The following TENM4 variants were observed in gnomAD, a reference collection of about 807,000 sequenced individuals.
The protein encoded by TENM4 is teneurin-4.
A neutral mutation model predicts 243.3 loss-of-function variants in TENM4; 82 were observed. That is an observed-to-expected ratio of 0.34 (90% CI 0.28 to 0.40). TENM4 has a LOEUF of 0.40. Among genes scored for constraint, TENM4 ranks in the 10% least tolerant of loss-of-function variants. TENM4 has a pLI of 1.00. For missense variants in TENM4, 3,138 were observed against 3,673.3 expected, an observed-to-expected ratio of 0.85 and a Z score of 3.77; for synonymous variants, 1,412 against 1,456.3, an observed-to-expected ratio of 0.97 and a Z score of 0.69.
chr11:79,188,061 A>G lies in TENM4; in HGVS notation c.-163+27747T>C, dbSNP rs190503778. Among the ~76,000 whole-genome samples the G allele has an allele frequency of 2.7e-3, 404 of 152,322 alleles. 3 individuals are homozygous for G. Among genetic ancestry groups the G allele is most frequent in the African/African-American group, 9.6e-3 (398 of 41,572 alleles). On this transcript the variant is annotated intron_variant, in intron 3 of 33. Transcript: ENST00000278550. ...TTGTTTAGCTTTGCCTGCATGCCAAACACTCACTCATGAGACCTCATTTAA... is the reference window on the plus strand; with the variant it reads ...TTGTTTAGCTTTGCCTGCATGCCAAGCACTCACTCATGAGACCTCATTTAA...
chr11:79,151,838 C>T (rs1022292288), intron 3 of TENM4, among the ~76,000 whole-genome samples: 1 of 152,096 alleles, frequency 6.6e-6, no homozygotes, highest in Admixed American at 6.6e-5. Context: ...TCAAAAAGCA[C>T]TTCAACATTT....
intron 1 of TENM4, among the ~76,000 whole-genome samples, chr11:79,352,290 C>T (rs1249943747): frequency 6.6e-6 from 1 of 152,184 alleles, no homozygotes; most frequent in African/African-American, 2.4e-5. Context: ...GACTGCCAGC[C>T]AGCTCTTGGT....
chr11:79,275,473 C>G (rs1856039751), intron 2 of TENM4, among the ~76,000 whole-genome samples: 1 of 152,232 alleles, frequency 6.6e-6, no homozygotes, highest in African/African-American at 2.4e-5. Flanking sequence ...GAAGACACTG[C>G]TGCCCTGCGG....
intron 3 of TENM4, among the ~76,000 whole-genome samples, chr11:79,207,134 G>A (rs1158353517): frequency 6.6e-6 from 1 of 152,102 alleles, no homozygotes; most frequent in African/African-American, 2.4e-5. Context: ...GTGGGGTCGG[G>A]GCAGGCTGCC....
chr11:79,013,262 G>A (rs763736522), intron 6 of TENM4, among the ~76,000 whole-genome samples: 25 of 152,024 alleles, frequency 1.6e-4, no homozygotes, highest in Admixed American at 1.3e-4. Context: ...TCCACCTCCC[G>A]CATTCCTTGC....
chr11:79,295,896 A>AACAC (rs199711050), intron 2 of TENM4, among the ~76,000 whole-genome samples: 6,499 of 130,748 alleles, frequency 0.05, 229 homozygotes, highest in East Asian at 0.15. Context: ...CCAGGGATTA[A>AACAC]ACACACACAC....
At chr11:79,246,453 G>T (rs1210419142) in intron 2 of TENM4, among the ~76,000 whole-genome samples, 1 of 152,100 alleles carries the variant, frequency 6.6e-6, no homozygotes, top group African/African-American at 2.4e-5. Flanking sequence ...CAACACATCA[G>T]CATTCTCAAA....
intron 3 of TENM4, among the ~76,000 whole-genome samples, chr11:79,175,819 T>C (rs1013564794): frequency 2.0e-5 from 3 of 152,190 alleles, no homozygotes; most frequent in Admixed American, 1.3e-4. Flanking sequence ...AGGCTGGGTG[T>C]GGTGGCTGCA....
intron 1 of TENM4, among the ~76,000 whole-genome samples, chr11:79,418,865 A>T (rs1002908312): frequency 6.6e-6 from 1 of 152,170 alleles, no homozygotes; most frequent in South Asian, 2.1e-4. Flanking sequence ...CAGCACTTTT[A>T]CAGTGCCTGG....
chr11:79,414,920 G>A (rs973484853), intron 1 of TENM4, among the ~76,000 whole-genome samples: 1 of 152,066 alleles, frequency 6.6e-6, no homozygotes, highest in Admixed American at 6.6e-5. Context: ...ATTTAGACAC[G>A]GCCTCAGCTG....
At chr11:79,288,455 A>C (rs502316) in intron 2 of TENM4, among the ~76,000 whole-genome samples, 89,235 of 152,148 alleles carry the variant, frequency 0.59, 28,199 homozygotes, top group African/African-American at 0.82. Context: ...GTGGGATTGA[A>C]AATCAAACTA....
intron 2 of TENM4, among the ~76,000 whole-genome samples, chr11:79,266,294 C>G (rs1039236816): frequency 5.9e-5 from 9 of 152,152 alleles, no homozygotes; most frequent in Admixed American, 1.3e-4. Flanking sequence ...TACTGCATAC[C>G]TACTAAGTGT....
At chr11:78,946,820 C>A (rs1054677609) in intron 6 of TENM4, among the ~76,000 whole-genome samples, 1 of 152,104 alleles carries the variant, frequency 6.6e-6, no homozygotes, top group Non-Finnish European at 1.5e-5. Context: ...TTGGTAGTAG[C>A]AAGAAAAATA....
chr11:79,147,924 T>C (rs1232103640), intron 4 of TENM4, among the ~76,000 whole-genome samples: 1 of 152,090 alleles, frequency 6.6e-6, no homozygotes, highest in Non-Finnish European at 1.5e-5. Flanking sequence ...GCAACTTCTT[T>C]ACTCTGAGTC....
In TENM4 at chr11:78,669,452, C is replaced by T. The variant is rs369423440; in HGVS notation, c.6893G>A (p.Arg2298Gln). The T allele has an allele frequency of 1.9e-6, 3 of 1,612,762 alleles. No homozygotes were observed. The highest frequency in any genetic ancestry group is 2.5e-6 in the Non-Finnish European group (3 of 1,179,286). ...SVRYRYDGLG[R>Q]RVSSKSSHSH... Reference sequence around the variant, plus strand: ...GTGGCTGCTCTTGCTGGACACGCGCCGCCCCAGGCCATCGTAGCGGTACCT... The same window carrying T: ...GTGGCTGCTCTTGCTGGACACGCGCTGCCCCAGGCCATCGTAGCGGTACCT... Residue 2298 changes from arginine (R) to glutamine (Q), a missense_variant, in exon 32 of 34, where the codon CGG (arginine) becomes CAG (glutamine). Arg to Gln is a conservative substitution (Grantham distance 43). Transcript: ENST00000278550. The surrounding 1 kb of genome is among the most constrained non-coding windows in gnomAD (Gnocchi z 6.4).
intron 3 of TENM4, among the ~76,000 whole-genome samples, chr11:79,208,921 G>T (rs1247039762): frequency 2.6e-5 from 4 of 152,168 alleles, no homozygotes; most frequent in African/African-American, 9.6e-5. Flanking sequence ...TTCTCAGCGG[G>T]TAAGTCAAGG....
chr11:78,805,283 T>TCCACACCCCCCCCC lies in TENM4; in HGVS notation c.2179+8_2179+9insGGGGGGGGGTGTGG. ...CCTCTACCCATGCTTCTTCTCCCCC[T>TCCACACCCCCCCCC]GCATTTACCGATAGAACAGTCGTGT... On this transcript the variant is annotated intron_variant, in intron 15 of 33. Coordinates refer to ENST00000278550, the MANE Select transcript of TENM4 (RefSeq NM_001098816.3). The TCCACACCCCCCCCC allele has an allele frequency of 4.3e-6, 1 of 233,428 alleles. No homozygotes were observed. The highest frequency in any genetic ancestry group is 5.8e-6 in the Non-Finnish European group (1 of 173,886). 14.5% of individuals were successfully genotyped at this position (233,428 alleles called of 1,614,324 possible).
rs751236898 is a variant in TENM4 at position 78,805,384 on chromosome 11, C to T, written c.2087G>A (p.Cys696Tyr). 5 of 1,575,834 alleles carry T rather than the reference C, an allele frequency of 3.2e-6. No individual in the cohort carries two copies. The highest frequency in any genetic ancestry group is 4.3e-6 in the Non-Finnish European group (5 of 1,164,398). ...TCCGTGGCCTGAACACTGGTCTAAG[C>T]ATGTGGCCCTGGGGGTCTCGCAGTT... is the stretch of plus-strand genomic sequence containing the variant. ...GTNCETPRAT[C>Y]LDQCSGHGTF... The change falls in exon 15 of 34, where the codon TGC becomes TAC. Residue 696 changes from cysteine (C) to tyrosine (Y), a missense_variant. Transcript: ENST00000278550.
intron 1 of TENM4, among the ~76,000 whole-genome samples, chr11:79,340,057 CT>C (rs751867501): frequency 2.0e-5 from 3 of 152,186 alleles, no homozygotes; most frequent in African/African-American, 4.8e-5. Flanking sequence ...TTAGAAATTG[CT>C]GAAATACCGA....
Sources: gnomAD v4.1 joint callset for allele counts (sites outside exome capture counted in the v4.1 genomes callset) on GRCh38, gnomAD v4.1.1 for gene constraint, Gnocchi (gnomAD v3.1) non-coding constraint, MANE v1.5 for transcripts, NCBI Gene and HGNC (gene_info 2026-07-23, HGNC 2026-07-21) for gene names.